Variants in PREP observed in about 807,000 individuals in gnomAD.
The protein encoded by PREP is prolyl endopeptidase.
A neutral mutation model predicts 87.6 loss-of-function variants in PREP; 29 were observed. The ratio of observed to expected loss-of-function variants is 0.33; its 90% CI spans 0.25 to 0.45. PREP has a LOEUF of 0.45. PREP is among the 20% of genes least tolerant of loss of function. PREP has a pLI of 1.00. For missense variants in PREP, 695 were observed against 886.5 expected, an observed-to-expected ratio of 0.78 and a Z score of 2.74; for synonymous variants, 337 against 328.6, an observed-to-expected ratio of 1.03 and a Z score of -0.28.
intron 2 of PREP, among the ~76,000 whole-genome samples, chr6:105,389,771 G>A (rs1377942628): frequency 6.6e-6 from 1 of 152,092 alleles, no homozygotes; most frequent in Non-Finnish European, 1.5e-5. Flanking sequence ...CTGGATCCGG[G>A]CTAGGGAAAG....
intron 1 of PREP, among the ~76,000 whole-genome samples, chr6:105,399,146 C>CT (rs1773359138): frequency 1.3e-5 from 2 of 152,260 alleles, no homozygotes; most frequent in South Asian, 4.2e-4. Context: ...TGAAACCACA[C>CT]TGACAATGTC....
chr6:105,351,012 A>G (rs56251517), intron 7 of PREP, among the ~76,000 whole-genome samples: 9,323 of 152,270 alleles, frequency 0.061, 368 homozygotes, highest in Middle Eastern at 0.088. Flanking sequence ...ACGCATCAGT[A>G]AAGCCCTAAC....
intron 5 of PREP, among the ~76,000 whole-genome samples, chr6:105,371,902 A>C (rs541385897): frequency 3.3e-5 from 5 of 152,326 alleles, no homozygotes; most frequent in African/African-American, 1.2e-4. Context: ...TTTACAAGTT[A>C]ATGTAATAAC....
intron 6 of PREP, among the ~76,000 whole-genome samples, chr6:105,366,864 G>A (rs1223381609): frequency 6.6e-6 from 1 of 152,218 alleles, no homozygotes; most frequent in South Asian, 2.1e-4. Flanking sequence ...ATGTGTATGA[G>A]GTACCCAGAG....
At chr6:105,307,349 C>G (rs1770676950) in intron 10 of PREP, among the ~76,000 whole-genome samples, 1 of 152,052 alleles carries the variant, frequency 6.6e-6, no homozygotes, top group African/African-American at 2.4e-5. Flanking sequence ...TTCCAGGAGG[C>G]CTTGTTTCCA....
chr6:105,288,734 A>C, intron 11 of PREP, 24 bp downstream of exon 11: 1 of 1,611,744 alleles, frequency 6.2e-7, no homozygotes, highest in Admixed American at 1.7e-5. Flanking sequence ...AAATACTGGC[A>C]CTCTGAGTGC....
intron 10 of PREP, among the ~76,000 whole-genome samples, chr6:105,290,513 C>A (rs1770279246): frequency 6.6e-6 from 1 of 152,106 alleles, no homozygotes; most frequent in Non-Finnish European, 1.5e-5. Context: ...CCAGGCTGAC[C>A]CCTCCTCATG....
chr6:105,275,440 C>T lies in PREP; in HGVS notation c.*2704G>A, dbSNP rs1305933432. 6.6e-6 allele frequency among the ~76,000 whole-genome samples: 1 copy of T among 152,152 alleles called. No individual in the cohort carries two copies. Among genetic ancestry groups the T allele is most frequent in the East Asian group, 1.9e-4 (1 of 5,200 alleles). On this transcript the variant is annotated 3_prime_UTR_variant, in exon 15 of 15. Coordinates refer to ENST00000652536, the MANE Select transcript of PREP (RefSeq NM_002726.5). ...ATGTGACTTTATCTTGCTAAGGTAA[C>T]AAATGCTCTGGTGTGCTTAGCAGGG...
chr6:105,297,952 C>T (rs1770445779), intron 10 of PREP, among the ~76,000 whole-genome samples: 1 of 152,178 alleles, frequency 6.6e-6, no homozygotes, highest in Admixed American at 6.5e-5. Context: ...CGATATGAAG[C>T]CTTCATGAGG....
chr6:105,304,272 T>A (rs370102100), intron 10 of PREP, among the ~76,000 whole-genome samples: 1 of 152,332 alleles, frequency 6.6e-6, no homozygotes, highest in African/African-American at 2.4e-5. Context: ...TGTATGCAAA[T>A]GCCGTGCCAT....
At chr6:105,287,049 G>C (rs78684031) in intron 11 of PREP, among the ~76,000 whole-genome samples, 2 of 151,632 alleles carry the variant, frequency 1.3e-5, no homozygotes, top group South Asian at 2.1e-4. Flanking sequence ...TTAATACTTT[G>C]AGTGATATAA....
At chr6:105,347,261 GAT>G (rs1771823725) in intron 7 of PREP, among the ~76,000 whole-genome samples, 1 of 152,220 alleles carries the variant, frequency 6.6e-6, no homozygotes. Flanking sequence ...TCAAACTGAT[GAT>G]ATCCACATCT....
intron 7 of PREP, among the ~76,000 whole-genome samples, chr6:105,344,907 C>T (rs1771757943): frequency 6.6e-6 from 1 of 152,158 alleles, no homozygotes. Context: ...TGTCTGCCAC[C>T]AAATTCTGAA....
chr6:105,390,793 T>C (rs1389674164), intron 2 of PREP, among the ~76,000 whole-genome samples: 1 of 152,046 alleles, frequency 6.6e-6, no homozygotes, highest in African/African-American at 2.4e-5. Context: ...GGGAGCAAAT[T>C]ATGCAATATA....
At chr6:105,348,739 T>C (rs1277790941) in intron 7 of PREP, among the ~76,000 whole-genome samples, 1 of 151,720 alleles carries the variant, frequency 6.6e-6, no homozygotes, top group African/African-American at 2.4e-5. Flanking sequence ...ACTAGCCAGG[T>C]ATGGTGGCAT....
Position 105,368,959 on chromosome 6 carries a change from C to T in PREP, c.661G>A (p.Glu221Lys). The change falls in exon 6 of 15, where the codon GAA (glutamate) becomes AAA (lysine). Residue 221 changes from glutamate (E) to lysine (K), a missense_variant. Physicochemically the swap from Glu to Lys is moderately conservative, Grantham distance 56 (BLOSUM62 1). Transcript: ENST00000652536. ...YYHVLGTDQS[E>K]DILCAEFPDE... ...GGAAACTCAGCACACAAAATATCTT[C>T]TGACTGATCGGTTCCCAAGACATGG... is the stretch of plus-strand genomic sequence containing the variant. 8.1e-6 allele frequency: 13 copies of T among 1,614,076 alleles called. No individual in the cohort carries two copies. Among genetic ancestry groups the T allele is most frequent in the Non-Finnish European group, 1.1e-5 (13 of 1,179,978 alleles).
At chr6:105,338,170 G>T (rs1446915827) in intron 7 of PREP, among the ~76,000 whole-genome samples, 1 of 152,184 alleles carries the variant, frequency 6.6e-6, no homozygotes, top group East Asian at 1.9e-4. Context: ...TGAAATGTCA[G>T]ATTCCTTAAA....
intron 6 of PREP, among the ~76,000 whole-genome samples, chr6:105,362,029 A>C (rs2114694734): frequency 6.6e-6 from 1 of 152,382 alleles, no homozygotes; most frequent in Non-Finnish European, 1.5e-5. Context: ...TCGGTATGCC[A>C]GAAACTGATA....
chr6:105,278,614 T>G lies in PREP; in HGVS notation c.1839-176A>C, dbSNP rs940501189. Among the ~76,000 whole-genome samples the G allele has an allele frequency of 1.3e-5, 2 of 151,928 alleles. No individual in the cohort carries two copies. The highest frequency in any genetic ancestry group is 2.9e-5 in the Non-Finnish European group (2 of 67,976). ...ATGACTGGCAAGGGCTCCTGGAAAC[T>G]GGGGAGCTGTGTCATTTATGTGGCT... On this transcript the variant is annotated intron_variant, in intron 14 of 14. Coordinates refer to ENST00000652536, the MANE Select transcript of PREP (RefSeq NM_002726.5). The surrounding 1 kb of genome is among the most constrained non-coding windows in gnomAD (Gnocchi z 4.2).
Sources: gnomAD v4.1 joint callset for allele counts (sites outside exome capture counted in the v4.1 genomes callset) on GRCh38, gnomAD v4.1.1 for gene constraint, Gnocchi (gnomAD v3.1) non-coding constraint, MANE v1.5 for transcripts, NCBI Gene and HGNC (gene_info 2026-07-23, HGNC 2026-07-21) for gene names.